Variants in MTOR observed in about 807,000 individuals in gnomAD.
MTOR encodes mechanistic target of rapamycin kinase, also known as serine/threonine-protein kinase mTOR.
In MTOR, 70 loss-of-function variants were observed where a neutral mutation model predicts 319.8. The ratio of observed to expected loss-of-function variants is 0.22; its 90% CI spans 0.18 to 0.27. The LOEUF is 0.27. Ranked by LOEUF, MTOR falls within the 10% of genes least tolerant of loss-of-function variation. The pLI, the probability that MTOR is intolerant of heterozygous loss-of-function variation, is 1.00. For missense variants in MTOR, 1,890 were observed against 3,274.4 expected, an observed-to-expected ratio of 0.58 and a Z score of 10.32; for synonymous variants, 1,183 against 1,211.4, an observed-to-expected ratio of 0.98 and a Z score of 0.49.
chr1:11,243,499 T>C (rs1648368155), intron 8 of MTOR, among the ~76,000 whole-genome samples, 199 bp from the exon 9 acceptor site: 2 of 151,952 alleles, frequency 1.3e-5, no homozygotes, highest in African/African-American at 2.4e-5. Context: ...CGAAACAGCC[T>C]GGGCAACACA....
chr1:11,250,184 CG>C lies in MTOR; in HGVS notation c.841-2091del, dbSNP rs1299933728. Among the ~76,000 whole-genome samples the C allele has an allele frequency of 7.0e-4, 96 of 137,526 alleles. 11 individuals carry two copies. The highest frequency in any genetic ancestry group is 1.5e-3 in the South Asian group (6 of 3,978). The allele number at this position is 137,526 out of a possible 152,430, so 90.2% of individuals were successfully genotyped here. ...CTGGCCGGGCGGGGGGCTGACCCCC[CG>C]ACCTCCCTCCCGGACGGGGCGGCTG... is the stretch of plus-strand genomic sequence containing the variant. On this transcript the variant is annotated intron_variant, in intron 6 of 57. Transcript: ENST00000361445.
chr1:11,114,689 G>GA, intron 52 of MTOR, 124 bp downstream of exon 52: 1 of 1,113,984 alleles, frequency 9.0e-7, no homozygotes, highest in South Asian at 1.5e-5. Context: ...GGAAATAACA[G>GA]AAAACTGCTA....
chr1:11,241,806 T>C, intron 9 of MTOR, 125 bp from the exon 10 acceptor site: 1 of 1,044,618 alleles, frequency 9.6e-7, no homozygotes. Flanking sequence ...GGTATGCAAA[T>C]TGTCCAGAGC....
In MTOR at chr1:11,248,091, G is replaced by C. The variant is rs2100941128; in HGVS notation, c.844C>G (p.Leu282Val). 2 of 1,604,906 alleles carry C rather than the reference G, an allele frequency of 1.2e-6. No homozygotes were observed. The highest frequency in any genetic ancestry group is 1.7e-6 in the Non-Finnish European group (2 of 1,174,114). ...VRISSMEGER[L>V]REEMEEITQQ... is the part of the protein sequence containing the mutation. ...GTGATTTCTTCCATTTCTTCTCTCAGACGCTATATATATGAGGAGGAAAAA... is the reference window on the plus strand; with the variant it reads ...GTGATTTCTTCCATTTCTTCTCTCACACGCTATATATATGAGGAGGAAAAA... The change falls in exon 7 of 58, where the codon CTG becomes GTG. Residue 282 changes from leucine (L) to valine (V), a missense_variant. Leu to Val is a conservative substitution (Grantham distance 32, BLOSUM62 1). This residue lies in a region of MTOR where 418 missense variants were observed against 543.1 expected (regional missense o/e 0.77). Coordinates refer to ENST00000361445, the MANE Select transcript of MTOR (RefSeq NM_004958.4).
intron 46 of MTOR, 149 bp downstream of exon 46, chr1:11,126,473 C>T (rs1371012595): frequency 1.1e-6 from 1 of 880,644 alleles, no homozygotes; most frequent in African/African-American, 1.7e-5. Context: ...AATTTGCTTG[C>T]CCTCTATTTT....
chr1:11,221,745 T>C (rs1391799978), intron 19 of MTOR, among the ~76,000 whole-genome samples: 1 of 148,460 alleles, frequency 6.7e-6, no homozygotes, highest in Non-Finnish European at 1.5e-5. Context: ...ATATTCTATA[T>C]ATATAGAAAT....
intron 28 of MTOR, among the ~76,000 whole-genome samples, chr1:11,187,986 A>G (rs991410815): frequency 6.6e-6 from 1 of 152,174 alleles, no homozygotes; most frequent in African/African-American, 2.4e-5. Flanking sequence ...TTCTGAGAAA[A>G]AAAAAAATTG....
intron 36 of MTOR, among the ~76,000 whole-genome samples, chr1:11,134,817 G>A (rs77086655): frequency 0.056 from 8,484 of 152,262 alleles, 315 homozygotes; most frequent in Admixed American, 0.1. Context: ...TACCCTGGGG[G>A]ATATTAGGCT....
intron 19 of MTOR, among the ~76,000 whole-genome samples, chr1:11,217,613 G>A (rs925761450): frequency 4.7e-5 from 7 of 147,868 alleles, no homozygotes; most frequent in South Asian, 2.1e-4. Context: ...GGGTTTCACC[G>A]TGTTAGCCAG....
chr1:11,152,304 G>A (rs928947647), intron 30 of MTOR: 5 of 152,220 alleles, frequency 3.3e-5, no homozygotes, highest in African/African-American at 1.2e-4. Flanking sequence ...TGCACCCTCT[G>A]AGACTTTGAT....
intron 20 of MTOR, 75 bp from the exon 21 acceptor site, chr1:11,213,641 G>C (rs1487476486): frequency 2.1e-6 from 3 of 1,438,862 alleles, no homozygotes; most frequent in Non-Finnish European, 2.9e-6. Flanking sequence ...AATCAAGATG[G>C]CCAGAAAAGC....
chr1:11,145,496 C>G (rs1336582195), intron 32 of MTOR, among the ~76,000 whole-genome samples: 1 of 152,106 alleles, frequency 6.6e-6, no homozygotes, highest in Non-Finnish European at 1.5e-5. Flanking sequence ...CTTGCCTCAG[C>G]CTCCCAAGTA....
intron 19 of MTOR, among the ~76,000 whole-genome samples, chr1:11,223,917 T>C (rs994623296): frequency 6.6e-6 from 1 of 151,934 alleles, no homozygotes; most frequent in Non-Finnish European, 1.5e-5. Context: ...CATGCACCTA[T>C]AATCCCAGCT....
In MTOR at chr1:11,109,598, A is replaced by G; in HGVS notation, c.7447+51T>C. ...CCTCTCAGGGTATAACACAGCTGCT[A>G]TTTTCTTAATGAGCTAGTCACTGGT... is the stretch of plus-strand genomic sequence containing the variant. On this transcript the variant is annotated intron_variant, in intron 55 of 57. Transcript: ENST00000361445. The surrounding 1 kb of genome is among the most constrained non-coding windows in gnomAD (Gnocchi z 4.0). 5 of 1,562,800 alleles carry G rather than the reference A, an allele frequency of 3.2e-6. No individual in the cohort carries two copies. The highest frequency in any genetic ancestry group is 2.2e-5 in the East Asian group (1 of 44,624).
rs1557759901 is a variant in MTOR at position 11,133,515 on chromosome 1, CTTCT to C, written c.5247-322_5247-319del. Among the ~76,000 whole-genome samples the C allele has an allele frequency of 6.6e-6, 1 of 151,818 alleles. No homozygotes were observed. The highest frequency in any genetic ancestry group is 1.5e-5 in the Non-Finnish European group (1 of 67,976). On this transcript the variant is annotated intron_variant, in intron 37 of 57. Coordinates refer to ENST00000361445, the MANE Select transcript of MTOR (RefSeq NM_004958.4). The surrounding 1 kb of genome is among the most constrained non-coding windows in gnomAD (Gnocchi z 4.0). ...TTTTGTGGGTGACAGTTGAGAGTTA[CTTCT>C]TTATTGATTGCTATATGGCTTCTCC... is the stretch of plus-strand genomic sequence containing the variant.
rs569111698 is a variant in MTOR, at chr1:11,132,856, A to G, written c.5364+224T>C. ...CAATCCCCAACACCACATACACATA[A>G]TAATGGTGTAACAAGTATTTCTCCA... is the stretch of plus-strand genomic sequence containing the variant. On this transcript the variant is annotated intron_variant, in intron 38 of 57. Coordinates refer to ENST00000361445, the MANE Select transcript of MTOR (RefSeq NM_004958.4). 3 of 525,100 alleles carry G rather than the reference A, an allele frequency of 5.7e-6. No homozygotes were observed. The South Asian group carries it at 7.2e-5, about 13-fold the overall frequency. The allele number at this position is 525,100 out of a possible 1,614,324, so 32.5% of individuals were successfully genotyped here. A position where few individuals can be genotyped will look rare whatever the true frequency, so the allele number is the denominator to read the frequency against.
intron 5 of MTOR, among the ~76,000 whole-genome samples, chr1:11,255,083 TAAG>T (rs1201394708): frequency 6.6e-6 from 1 of 152,094 alleles, no homozygotes; most frequent in Non-Finnish European, 1.5e-5. Context: ...TAATTATTAA[TAAG>T]AAGAAGGTAC....
Position 11,121,188 on chromosome 1 carries a change from A to G in MTOR, c.6933+58T>C. On this transcript the variant is annotated intron_variant, in intron 49 of 57. Transcript: ENST00000361445. This position sits in a 1 kb window ranked among gnomAD's most constrained non-coding sequence, Gnocchi z 4.9. Reference sequence around the variant, plus strand: ...GTGCACATGAACAGATGGGAGGGCCATCCTATTGCGAGTGGGGGTTCCAGG... The same window carrying G: ...GTGCACATGAACAGATGGGAGGGCCGTCCTATTGCGAGTGGGGGTTCCAGG... 6.2e-7 allele frequency: 1 copy of G among 1,604,162 alleles called. No individual in the cohort carries two copies. Among genetic ancestry groups the G allele is most frequent in the East Asian group, 2.2e-5 (1 of 44,842 alleles).
chr1:11,202,015 A>G (rs1222154821), intron 26 of MTOR, among the ~76,000 whole-genome samples: 4 of 152,192 alleles, frequency 2.6e-5, no homozygotes, highest in African/African-American at 9.6e-5. Flanking sequence ...TAGGTTGCCC[A>G]GGCTGGTCTT....
Sources: allele counts gnomAD v4.1 joint callset (sites outside exome capture counted in the v4.1 genomes callset), GRCh38; gene constraint gnomAD v4.1.1; regional missense constraint gnomAD v4.1.1; non-coding constraint Gnocchi (gnomAD v3.1); transcripts MANE v1.5; gene names NCBI Gene and HGNC (gene_info 2026-07-23, HGNC 2026-07-21).